COL5A1: variants seen among roughly 807,000 people sequenced by gnomAD.
The protein encoded by COL5A1 is collagen type V alpha 1 chain.
Under a neutral mutation model 263.7 loss-of-function variants are expected in COL5A1, and 16 were observed. The observed-to-expected ratio is 0.06, with a 90% CI of 0.04 to 0.09. The LOEUF is 0.09. Among genes scored for constraint, COL5A1 ranks in the 10% least tolerant of loss-of-function variants. The probability of loss-of-function intolerance (pLI) is 1.00; values close to 1 mark genes in which losing one functional copy is unlikely to be tolerated. For missense variants in COL5A1, 2,036 were observed against 2,540.5 expected, an observed-to-expected ratio of 0.80 and a Z score of 4.27; for synonymous variants, 1,012 against 1,004.5, an observed-to-expected ratio of 1.01 and a Z score of -0.14.
At chr9:134,781,502 C>T (rs1473627201) in intron 28 of COL5A1, among the ~76,000 whole-genome samples, 1 of 152,258 alleles carries the variant, frequency 6.6e-6, no homozygotes, top group Non-Finnish European at 1.5e-5. Flanking sequence ...GACCTTTCAT[C>T]CTTTCCAAGG....
In COL5A1 at chr9:134,789,542, C is replaced by G. The variant is rs1267811517; in HGVS notation, c.2700+334C>G. On this transcript the variant is annotated intron_variant, in intron 32 of 65. Transcript: ENST00000371817. The surrounding 1 kb of genome is among the most constrained non-coding windows in gnomAD (Gnocchi z 4.8). ...TCCTCTACCCAAGTGGGCTTTTCCT[C>G]CAAGCTAATTTTAAAAGGAAGGGAA... Among the ~76,000 whole-genome samples, 1 of 152,190 alleles carries G rather than the reference C, an allele frequency of 6.6e-6. No homozygotes were observed. The highest frequency in any genetic ancestry group is 1.5e-5 in the Non-Finnish European group (1 of 68,038).
intron 7 of COL5A1, 96 bp downstream of exon 7, chr9:134,730,571 C>T (rs558115477): frequency 3.2e-6 from 5 of 1,559,542 alleles, no homozygotes; most frequent in East Asian, 2.2e-5. Flanking sequence ...CTCCAGTTCT[C>T]ACCTTGGTGT....
intron 65 of COL5A1, among the ~76,000 whole-genome samples, chr9:134,837,768 A>G (rs1162122630): frequency 6.6e-6 from 1 of 151,974 alleles, no homozygotes; most frequent in Non-Finnish European, 1.5e-5. Flanking sequence ...GGGTGTGCCA[A>G]ACGCCTCCAG....
chr9:134,726,984 A>G (rs1276905307), intron 4 of COL5A1, among the ~76,000 whole-genome samples: 3 of 144,350 alleles, frequency 2.1e-5, no homozygotes, highest in African/African-American at 7.8e-5. Context: ...TAGATGGGTG[A>G]ATGGATGAAC....
chr9:134,709,158 A>G (rs1049849435), intron 4 of COL5A1: 8 of 355,598 alleles, frequency 2.2e-5, no homozygotes, highest in African/African-American at 2.1e-5. Flanking sequence ...GCCATGATTC[A>G]GCCACTTCCC....
Position 134,728,566 on chromosome 9 carries a change from G to A in COL5A1, c.787-104G>A, listed in dbSNP as rs1834741976. ...GGGAGGTTCACGCCTGGGGCTGGAC[G>A]GGGCGTCGTGGCGTGCAGATCTGGA... On this transcript the variant is annotated intron_variant, in intron 5 of 65. Transcript: ENST00000371817. The A allele has an allele frequency of 4.6e-6, 7 of 1,535,796 alleles. No homozygotes were observed. The Admixed American group carries it at 5.0e-5, about 11-fold the overall frequency.
rs1200801981 is a variant in COL5A1, at chr9:134,680,827, A to G, written c.110-10085A>G. ...CATCAGGCAGAGGAGTTGGACGTTG[A>G]TGGGAGCTTTTAGGTGGGTGCATGG... On this transcript the variant is annotated intron_variant, in intron 1 of 65. Coordinates refer to ENST00000371817, the MANE Select transcript of COL5A1 (RefSeq NM_000093.5). The surrounding 1 kb of genome is among the most constrained non-coding windows in gnomAD (Gnocchi z 5.9). Among the ~76,000 whole-genome samples the G allele has an allele frequency of 6.6e-6, 1 of 152,152 alleles. No individual in the cohort carries two copies. Among genetic ancestry groups the G allele is most frequent in the Non-Finnish European group, 1.5e-5 (1 of 68,022 alleles).
chr9:134,812,821 TGTG>T lies in COL5A1; in HGVS notation c.3852+111_3852+113del, dbSNP rs1402815995. On this transcript the variant is annotated intron_variant, in intron 48 of 65. Coordinates refer to ENST00000371817, the MANE Select transcript of COL5A1 (RefSeq NM_000093.5). ...ATGTGTATGTGCGCATGCACACGCT[TGTG>T]GGGGTGCATACACGTGTGTGTACCT... 1.3e-4 allele frequency: 105 copies of T among 803,106 alleles called. 1 individual carries two copies. The highest frequency in any genetic ancestry group is 2.0e-4 in the Admixed American group (10 of 50,024). 49.7% of individuals were successfully genotyped at this position (803,106 alleles called of 1,614,324 possible).
In COL5A1 at chr9:134,824,813, A is replaced by G; in HGVS notation, c.4912A>G (p.Thr1638Ala). 1 of 1,613,778 alleles carries G rather than the reference A, an allele frequency of 6.2e-7. No individual in the cohort carries two copies. The highest frequency in any genetic ancestry group is 1.6e-4 in the Middle Eastern group (1 of 6,062). The change falls in exon 62 of 66, where the codon ACC becomes GCC. Residue 1638 changes from threonine to alanine, a missense_variant. Around this residue, in one of 3 missense-constraint regions of COL5A1, gnomAD observed 358 missense variants for 384.6 expected, o/e 0.93. Coordinates refer to ENST00000371817, the MANE Select transcript of COL5A1 (RefSeq NM_000093.5). ...GGGCACGCAGCAGAACCCCGCCCGC[A>G]CCTGCAAGGACCTGCAGCTCTGCCA... The part of the protein sequence containing the change: ...PLGTQQNPAR[T>A]CKDLQLCHPD...
chr9:134,759,647 C>T (rs1443658622), intron 18 of COL5A1, among the ~76,000 whole-genome samples: 1 of 125,528 alleles, frequency 8.0e-6, no homozygotes, highest in African/African-American at 3.5e-5. Context: ...TTCATACACA[C>T]ATGCACACAT....
chr9:134,759,779 A>C (rs561426305), intron 18 of COL5A1, among the ~76,000 whole-genome samples: 1 of 102,520 alleles, frequency 9.8e-6, no homozygotes, highest in African/African-American at 3.9e-5. Flanking sequence ...CCCCACACTC[A>C]TACACACATG....
In COL5A1 at chr9:134,701,239, C is replaced by A. The variant is rs1370322398; in HGVS notation, c.560C>A (p.Thr187Asn). Reference sequence around the variant, plus strand: ...TTGATCCTCGACTGTAAAAAGAAGACCACCAAATTCCTCGACCGCAGCGAC... The same window carrying A: ...TTGATCCTCGACTGTAAAAAGAAGAACACCAAATTCCTCGACCGCAGCGAC... ...VTLILDCKKK[T>N]TKFLDRSDHP... Residue 187 changes from threonine (T) to asparagine (N), a missense_variant, in exon 4 of 66, where the codon ACC (threonine) becomes AAC (asparagine). Physicochemically the swap from Thr to Asn is moderately conservative, Grantham distance 65. Coordinates refer to ENST00000371817, the MANE Select transcript of COL5A1 (RefSeq NM_000093.5). The A allele has an allele frequency of 6.2e-7, 1 of 1,614,006 alleles. No individual in the cohort carries two copies. Among genetic ancestry groups the A allele is most frequent in the Non-Finnish European group, 8.5e-7 (1 of 1,180,018 alleles).
Position 134,754,401 on chromosome 9 carries a change from AC to A in COL5A1, c.1827+80del. ...AGGAGCCCAAATCTGGGGTGCGGGC[AC>A]CCCCAACAGCCAGCTGGGCCACATG... On this transcript the variant is annotated intron_variant, in intron 16 of 65. Coordinates refer to ENST00000371817, the MANE Select transcript of COL5A1 (RefSeq NM_000093.5). This position sits in a 1 kb window ranked among gnomAD's most constrained non-coding sequence, Gnocchi z 4.3. The A allele has an allele frequency of 1.3e-6, 2 of 1,549,680 alleles. No homozygotes were observed. Among genetic ancestry groups the A allele is most frequent in the Non-Finnish European group, 8.9e-7 (1 of 1,123,150 alleles).
In COL5A1 at chr9:134,789,483, G is replaced by A. The variant is rs144225603; in HGVS notation, c.2700+275G>A. Among the ~76,000 whole-genome samples, 68 of 152,238 alleles carry A rather than the reference G, an allele frequency of 4.5e-4. No individual in the cohort carries two copies. The highest frequency in any genetic ancestry group is 1.4e-3 in the African/African-American group (60 of 41,522). ...TCTAATTAGCACCACAATCCAGAAG[G>A]CTCTTTCAGGTCATTCTGAAAATCA... On this transcript the variant is annotated intron_variant, in intron 32 of 65. Coordinates refer to ENST00000371817, the MANE Select transcript of COL5A1 (RefSeq NM_000093.5). The surrounding 1 kb of genome is among the most constrained non-coding windows in gnomAD (Gnocchi z 4.8).
At position 134,731,542 on chromosome 9, in the gene COL5A1, T is replaced by G; in HGVS notation, c.1211T>G (p.Phe404Cys). Reference sequence around the variant, plus strand: ...GGTGCGGATGACTTGGAGGGGGAGTTCACTGAGGAAACGATCCGGAACCTT... The same window carrying G: ...GGTGCGGATGACTTGGAGGGGGAGTGCACTGAGGAAACGATCCGGAACCTT... ...GEGADDLEGEFTEETIRNLDE... is the reference protein window; with the variant it reads ...GEGADDLEGECTEETIRNLDE... Residue 404 changes from phenylalanine (F) to cysteine (C), a missense_variant, in exon 8 of 66, where the codon TTC becomes TGC. This residue lies in a region of COL5A1 where 600 missense variants were observed against 634.5 expected (regional missense o/e 0.95). Coordinates refer to ENST00000371817, the MANE Select transcript of COL5A1 (RefSeq NM_000093.5). 1 of 1,614,152 alleles carries G rather than the reference T, an allele frequency of 6.2e-7. No individual in the cohort carries two copies. The highest frequency in any genetic ancestry group is 8.5e-7 in the Non-Finnish European group (1 of 1,179,996).
chr9:134,661,187 G>A (rs545167617), intron 1 of COL5A1, among the ~76,000 whole-genome samples: 32 of 151,698 alleles, frequency 2.1e-4, no homozygotes, highest in South Asian at 6.3e-4. Flanking sequence ...GGGAAGTGTC[G>A]GGGACACTAT....
intron 1 of COL5A1, among the ~76,000 whole-genome samples, chr9:134,661,620 T>C (rs956018928): frequency 1.3e-5 from 2 of 152,226 alleles, no homozygotes; most frequent in African/African-American, 4.8e-5. Flanking sequence ...CCCTCTGTGC[T>C]GCACCCATAC....
At position 134,754,498 on chromosome 9, in the gene COL5A1, GA is replaced by G. The variant is rs1340326420; in HGVS notation, c.1827+173del. Among the ~76,000 whole-genome samples the G allele has an allele frequency of 6.6e-6, 1 of 152,258 alleles. No homozygotes were observed. Among genetic ancestry groups the G allele is most frequent in the African/African-American group, 2.4e-5 (1 of 41,472 alleles). ...GGCTGCCTCTGAGCCAGCTGCCTGG[GA>G]GGGGCGCTCTGTGTCCTGGGCGCAG... On this transcript the variant is annotated intron_variant, in intron 16 of 65. Coordinates refer to ENST00000371817, the MANE Select transcript of COL5A1 (RefSeq NM_000093.5). The surrounding 1 kb of genome is among the most constrained non-coding windows in gnomAD (Gnocchi z 4.3).
chr9:134,706,733 C>A (rs532978886), intron 4 of COL5A1, among the ~76,000 whole-genome samples: 1 of 152,240 alleles, frequency 6.6e-6, no homozygotes, highest in African/African-American at 2.4e-5. Context: ...GCACTGTGGG[C>A]CCCCGCCTGG....
Sources: allele counts gnomAD v4.1 joint callset (sites outside exome capture counted in the v4.1 genomes callset), GRCh38; gene constraint gnomAD v4.1.1; regional missense constraint gnomAD v4.1.1; non-coding constraint Gnocchi (gnomAD v3.1); transcripts MANE v1.5; gene names NCBI Gene and HGNC (gene_info 2026-07-23, HGNC 2026-07-21).